Variants in RBMS3 observed in about 807,000 individuals in gnomAD.
RBMS3 encodes the protein RNA-binding motif, single-stranded-interacting protein 3.
A neutral mutation model predicts 66.8 loss-of-function variants in RBMS3; 27 were observed. The ratio of observed to expected loss-of-function variants is 0.40; its 90% CI spans 0.30 to 0.56. The LOEUF (loss-of-function observed/expected upper bound fraction) is 0.56, where lower values mean the gene tolerates loss of function less well. RBMS3 is among the 20% of genes least tolerant of loss of function. The pLI is 0.40. For missense variants in RBMS3, 513 were observed against 549.5 expected (o/e 0.93, Z 0.66); for synonymous variants, 188 against 183.0 (o/e 1.03, Z -0.22).
chr3:29,405,806 T>G (rs2039996085), intron 1 of RBMS3, among the ~76,000 whole-genome samples: 1 of 152,196 alleles, frequency 6.6e-6, no homozygotes, highest in South Asian at 2.1e-4. Context: ...AGAAAATGTA[T>G]TTGGTTGTTT....
At chr3:29,491,727 C>T (rs754372058) in intron 3 of RBMS3, among the ~76,000 whole-genome samples, 3 of 152,202 alleles carry the variant, frequency 2.0e-5, no homozygotes, top group Non-Finnish European at 4.4e-5. Context: ...GGCGCAGTGG[C>T]TCATGCCTGT....
At chr3:29,946,013 T>C (rs72849010) in intron 12 of RBMS3, among the ~76,000 whole-genome samples, 2,839 of 151,764 alleles carry the variant, frequency 0.019, 91 homozygotes, top group African/African-American at 0.061. Context: ...TTCCCAGCAG[T>C]GGAGTATGAA....
At chr3:29,633,591 G>A (rs888660333) in intron 4 of RBMS3, among the ~76,000 whole-genome samples, 1 of 151,556 alleles carries the variant, frequency 6.6e-6, no homozygotes, top group African/African-American at 2.4e-5. Flanking sequence ...GTTTTTTCTT[G>A]GGAAACTACT....
At chr3:29,584,564 T>C (rs745434557) in intron 3 of RBMS3, among the ~76,000 whole-genome samples, 5 of 152,124 alleles carry the variant, frequency 3.3e-5, no homozygotes, top group Non-Finnish European at 7.4e-5. Flanking sequence ...AATAATTAGA[T>C]TTTCCTTCTC....
intron 4 of RBMS3, among the ~76,000 whole-genome samples, chr3:29,604,580 G>T (rs370702450): frequency 3.3e-5 from 5 of 151,900 alleles, no homozygotes; most frequent in African/African-American, 1.2e-4. Flanking sequence ...ACTAAATGTC[G>T]TGGGAAAGAA....
chr3:29,658,035 A>C (rs1484059699), intron 4 of RBMS3, among the ~76,000 whole-genome samples: 2 of 152,188 alleles, frequency 1.3e-5, no homozygotes, highest in African/African-American at 4.8e-5. Flanking sequence ...GAGTTCTATA[A>C]ATGGACTACC....
At chr3:29,745,323 T>C (rs1185463892) in intron 5 of RBMS3, among the ~76,000 whole-genome samples, 5 of 152,184 alleles carry the variant, frequency 3.3e-5, no homozygotes, top group Non-Finnish European at 5.9e-5. Flanking sequence ...TTATAGCCAA[T>C]TTATAAACCT....
At chr3:29,735,144 G>A (rs901628082) in intron 4 of RBMS3, among the ~76,000 whole-genome samples, 3 of 152,048 alleles carry the variant, frequency 2.0e-5, no homozygotes, top group African/African-American at 4.8e-5. Context: ...TCTAGATAGG[G>A]CAGTGTTTTC....
At chr3:29,933,233 C>A (rs1157063380) in intron 10 of RBMS3, among the ~76,000 whole-genome samples, 1 of 152,150 alleles carries the variant, frequency 6.6e-6, no homozygotes, top group Non-Finnish European at 1.5e-5. Context: ...GTGGATTTGA[C>A]AGTGTATTTA....
chr3:29,424,645 A>G (rs2040873855), intron 1 of RBMS3, among the ~76,000 whole-genome samples: 1 of 152,192 alleles, frequency 6.6e-6, no homozygotes, highest in African/African-American at 2.4e-5. Flanking sequence ...CAAAGTTCCC[A>G]TTTAATTGGA....
chr3:29,868,347 G>T (rs907750904), intron 6 of RBMS3, among the ~76,000 whole-genome samples: 3 of 152,142 alleles, frequency 2.0e-5, no homozygotes, highest in African/African-American at 7.2e-5. Context: ...GTGTTGGGTG[G>T]AGCATCAGCT....
At chr3:29,759,720 C>T (rs544968237) in intron 5 of RBMS3, among the ~76,000 whole-genome samples, 1 of 152,108 alleles carries the variant, frequency 6.6e-6, no homozygotes, top group African/African-American at 2.4e-5. Flanking sequence ...TCCTCCCCCC[C>T]CAGAGCTTTC....
At chr3:29,966,527 A>T (rs938748180) in intron 12 of RBMS3, among the ~76,000 whole-genome samples, 1 of 152,000 alleles carries the variant, frequency 6.6e-6, no homozygotes, top group Non-Finnish European at 1.5e-5. Context: ...AGAGCTACTG[A>T]TTTTTGTACA....
rs181770309 is a variant in RBMS3, at chr3:29,686,741, A to T, written c.400-52979A>T. Among the ~76,000 whole-genome samples the T allele has an allele frequency of 6.5e-4, 99 of 152,272 alleles. 2 individuals are homozygous for T. The East Asian group carries it at 0.017, about 25-fold the overall frequency. ...AATTAATTAAATATAAGAACCAATG[A>T]TTGCTTACATTTTCATACGTCTTTC... On this transcript the variant is annotated intron_variant, in intron 4 of 14. Coordinates refer to ENST00000383767, the MANE Select transcript of RBMS3 (RefSeq NM_001003793.3).
At chr3:29,415,132 A>G (rs997202366) in intron 1 of RBMS3, among the ~76,000 whole-genome samples, 1 of 152,190 alleles carries the variant, frequency 6.6e-6, no homozygotes, top group African/African-American at 2.4e-5. Context: ...GAATTATGCA[A>G]ATACATTTCT....
chr3:29,904,314 C>T (rs2060324606), intron 10 of RBMS3, among the ~76,000 whole-genome samples: 2 of 151,930 alleles, frequency 1.3e-5, no homozygotes, highest in Non-Finnish European at 2.9e-5. Flanking sequence ...TAAACAAAAT[C>T]AGATATTTCT....
chr3:29,683,141 C>A (rs1415554209), intron 4 of RBMS3, among the ~76,000 whole-genome samples: 1 of 152,188 alleles, frequency 6.6e-6, no homozygotes, highest in Non-Finnish European at 1.5e-5. Context: ...CATAACACTT[C>A]AGCAGATGTC....
intron 6 of RBMS3, among the ~76,000 whole-genome samples, chr3:29,768,638 A>G (rs1050888468): frequency 5.3e-5 from 8 of 151,892 alleles, no homozygotes; most frequent in Non-Finnish European, 1.0e-4. Flanking sequence ...GCTCAATGAG[A>G]CAGACAAACG....
intron 5 of RBMS3, among the ~76,000 whole-genome samples, chr3:29,746,563 C>T (rs549480059): frequency 6.6e-6 from 1 of 152,178 alleles, no homozygotes; most frequent in African/African-American, 2.4e-5. Flanking sequence ...GCAGCTTCTT[C>T]ATCTTTGTTC....
Sources: gnomAD v4.1 joint callset for allele counts (sites outside exome capture counted in the v4.1 genomes callset) on GRCh38, gnomAD v4.1.1 for gene constraint, MANE v1.5 for transcripts, NCBI Gene and HGNC (gene_info 2026-07-23, HGNC 2026-07-21) for gene names.